CPNE8: variants seen among roughly 807,000 people sequenced by gnomAD.
The protein encoded by CPNE8 is copine 8.
A neutral mutation model predicts 81.5 loss-of-function variants in CPNE8; 45 were observed. The ratio of observed to expected loss-of-function variants is 0.55; its 90% confidence interval spans 0.44 to 0.71. CPNE8 has a LOEUF of 0.71. Ranked by LOEUF, CPNE8 falls within the 30% of genes least tolerant of loss-of-function variation. The pLI, the probability that CPNE8 is intolerant of heterozygous loss-of-function variation, is 0.00. For missense variants in CPNE8, 594 were observed against 672.1 expected (o/e 0.88, Z 1.28); for synonymous variants, 252 against 226.3 (o/e 1.11, Z -1.02).
intron 1 of CPNE8, among the ~76,000 whole-genome samples, chr12:38,876,341 G>A (rs1436604287): frequency 6.6e-6 from 1 of 152,166 alleles, no homozygotes; most frequent in African/African-American, 2.4e-5. Context: ...CCTCCCGAGA[G>A]TAGCTGGGAT....
intron 6 of CPNE8, among the ~76,000 whole-genome samples, chr12:38,792,503 T>C (rs536925341): frequency 6.6e-6 from 1 of 151,662 alleles, no homozygotes; most frequent in South Asian, 2.1e-4. Context: ...TTCTTGGAAA[T>C]ACATGAACTA....
chr12:38,807,075 C>A (rs1942826260), intron 6 of CPNE8, among the ~76,000 whole-genome samples: 3 of 152,094 alleles, frequency 2.0e-5, no homozygotes, highest in African/African-American at 7.2e-5. Context: ...AGGAGAACTA[C>A]AAACCACTGC....
At chr12:38,781,051 T>A (rs927210570) in intron 6 of CPNE8, among the ~76,000 whole-genome samples, 1 of 151,958 alleles carries the variant, frequency 6.6e-6, no homozygotes, top group Non-Finnish European at 1.5e-5. Flanking sequence ...AGCCTTCTCA[T>A]GGTCTCTTAC....
At chr12:38,877,755 C>G (rs1321230115) in intron 1 of CPNE8, among the ~76,000 whole-genome samples, 1 of 152,062 alleles carries the variant, frequency 6.6e-6, no homozygotes, top group Non-Finnish European at 1.5e-5. Flanking sequence ...AGCCGAGGCC[C>G]AGCCAATTTA....
At chr12:38,739,137 T>C (rs144885308) in intron 10 of CPNE8, among the ~76,000 whole-genome samples, 9 of 152,296 alleles carry the variant, frequency 5.9e-5, no homozygotes, top group Non-Finnish European at 1.2e-4. Context: ...AAATGATTTA[T>C]GGGGAAACAA....
In CPNE8 at chr12:38,653,768, C is replaced by CT. The variant is rs1938757394; in HGVS notation, c.*113dup. On this transcript the variant is annotated 3_prime_UTR_variant, in exon 20 of 20. Coordinates refer to ENST00000331366, the MANE Select transcript of CPNE8 (RefSeq NM_153634.3). ...TGGATCCAAGAAAGCACATTAACTGCTGAAACCAAACTGAGAAAACTATCT... is the reference window on the plus strand; with the variant it reads ...TGGATCCAAGAAAGCACATTAACTGCTTGAAACCAAACTGAGAAAACTATCT... 7.1e-7 allele frequency: 1 copy of CT among 1,402,900 alleles called. No homozygotes were observed. The highest frequency in any genetic ancestry group is 9.3e-7 in the Non-Finnish European group (1 of 1,078,042). 86.9% of individuals were successfully genotyped at this position (1,402,900 alleles called of 1,614,324 possible).
chr12:38,758,657 T>C (rs142250257), intron 10 of CPNE8, among the ~76,000 whole-genome samples: 98 of 152,332 alleles, frequency 6.4e-4, no homozygotes, highest in African/African-American at 2.2e-3. Flanking sequence ...ATGTAGTACC[T>C]ATCATTTATT....
intron 16 of CPNE8, among the ~76,000 whole-genome samples, chr12:38,679,310 T>C (rs1939360162): frequency 6.6e-6 from 1 of 151,874 alleles, no homozygotes; most frequent in Admixed American, 6.6e-5. Context: ...TATACCAGAA[T>C]GTATACCTAA....
chr12:38,666,778 T>C (rs942784727), intron 19 of CPNE8, among the ~76,000 whole-genome samples: 2 of 152,148 alleles, frequency 1.3e-5, no homozygotes, highest in Non-Finnish European at 2.9e-5. Context: ...TTATACAGAA[T>C]ACATGTTAAG....
intron 6 of CPNE8, among the ~76,000 whole-genome samples, chr12:38,786,781 A>C (rs1380532151): frequency 1.3e-5 from 2 of 152,162 alleles, no homozygotes; most frequent in African/African-American, 4.8e-5. Flanking sequence ...TCAATTAAGC[A>C]AGGGAGTCTA....
At chr12:38,704,349 T>C (rs1173422339) in intron 13 of CPNE8, among the ~76,000 whole-genome samples, 1 of 152,136 alleles carries the variant, frequency 6.6e-6, no homozygotes, top group Non-Finnish European at 1.5e-5. Flanking sequence ...ACAGCATTTC[T>C]CTTTGTGTGT....
intron 10 of CPNE8, among the ~76,000 whole-genome samples, chr12:38,747,443 A>C (rs1941252244): frequency 6.6e-6 from 1 of 152,142 alleles, no homozygotes; most frequent in Non-Finnish European, 1.5e-5. Context: ...GTTGGTTAAA[A>C]CCTTCTTTTC....
intron 10 of CPNE8, among the ~76,000 whole-genome samples, chr12:38,749,554 C>T (rs537137546): frequency 1.3e-5 from 2 of 152,090 alleles, no homozygotes; most frequent in African/African-American, 2.4e-5. Context: ...AGCCTGATAG[C>T]GATATGGACA....
At chr12:38,758,147 ACTCT>A (rs34541514) in intron 10 of CPNE8, among the ~76,000 whole-genome samples, 44 of 149,192 alleles carry the variant, frequency 2.9e-4, no homozygotes, top group African/African-American at 7.6e-4. Flanking sequence ...CTGTGAACAA[ACTCT>A]CTCTCTCTCT....
intron 6 of CPNE8, among the ~76,000 whole-genome samples, chr12:38,807,665 G>T (rs1404184715): frequency 2.0e-5 from 3 of 151,336 alleles, no homozygotes; most frequent in African/African-American, 7.3e-5. Context: ...GAAAACCTAG[G>T]CATTACTATT....
intron 19 of CPNE8, among the ~76,000 whole-genome samples, chr12:38,662,544 T>G (rs1938982210): frequency 6.6e-6 from 1 of 152,138 alleles, no homozygotes; most frequent in Admixed American, 6.6e-5. Context: ...TAATTAATAT[T>G]GTTAAAATGA....
chr12:38,730,507 A>T (rs763827286), intron 10 of CPNE8, 149 bp from the exon 11 acceptor site: 2 of 463,890 alleles, frequency 4.3e-6, no homozygotes, highest in Non-Finnish European at 7.5e-6. Flanking sequence ...ATTTAAAAGG[A>T]CTAATACATA....
At chr12:38,877,864 C>T (rs1409981437) in intron 1 of CPNE8, among the ~76,000 whole-genome samples, 1 of 152,158 alleles carries the variant, frequency 6.6e-6, no homozygotes, top group Admixed American at 6.5e-5. Flanking sequence ...ACCTGCTAGG[C>T]TGCATTCCCA....
At chr12:38,854,561 A>G (rs1278115176) in intron 3 of CPNE8, among the ~76,000 whole-genome samples, 1 of 151,972 alleles carries the variant, frequency 6.6e-6, no homozygotes, top group East Asian at 1.9e-4. Flanking sequence ...AGCACATTAA[A>G]AGAATAATTT....
Sources: gnomAD v4.1 joint callset for allele counts (sites outside exome capture counted in the v4.1 genomes callset) on GRCh38, gnomAD v4.1.1 for gene constraint, MANE v1.5 for transcripts, NCBI Gene and HGNC (gene_info 2026-07-23, HGNC 2026-07-21) for gene names.